The following EVI5 variants were observed in gnomAD, a reference collection of about 807,000 sequenced individuals.
The protein encoded by EVI5 is ecotropic viral integration site 5, also known as ecotropic viral integration site 5 protein homolog.
In EVI5, 73 loss-of-function variants were observed where a neutral mutation model predicts 112.0. That is an observed-to-expected ratio of 0.65 (90% CI 0.54 to 0.79). The LOEUF (loss-of-function observed/expected upper bound fraction) is 0.79, where lower values mean the gene tolerates loss of function less well. EVI5 is among the 30% of genes least tolerant of loss of function. The pLI is 0.00. For missense variants in EVI5, 900 were observed against 968.8 expected, an observed-to-expected ratio of 0.93 and a Z score of 0.94; for synonymous variants, 305 against 319.9, an observed-to-expected ratio of 0.95 and a Z score of 0.50.
intron 18 of EVI5, among the ~76,000 whole-genome samples, chr1:92,592,216 C>T (rs1180654461): frequency 3.3e-5 from 5 of 152,128 alleles, no homozygotes; most frequent in Non-Finnish European, 5.9e-5. Context: ...GCACTCCGGC[C>T]TAGGTGACAG....
intron 13 of EVI5, 79 bp from the exon 14 acceptor site, chr1:92,636,415 T>C (rs1658844574): frequency 8.3e-7 from 1 of 1,202,110 alleles, no homozygotes; most frequent in East Asian, 2.4e-5. Flanking sequence ...AACCACATAA[T>C]ACAGTTATAT....
chr1:92,558,062 T>C (rs1286515458), intron 19 of EVI5, among the ~76,000 whole-genome samples: 1 of 152,200 alleles, frequency 6.6e-6, no homozygotes, highest in African/African-American at 2.4e-5. Context: ...AATAAGTTTA[T>C]TCTTCAAAAG....
chr1:92,592,747 G>A (rs1048555484), intron 18 of EVI5, among the ~76,000 whole-genome samples: 5 of 152,094 alleles, frequency 3.3e-5, no homozygotes, highest in African/African-American at 4.8e-5. Flanking sequence ...TATCACCACC[G>A]ATCCCACATA....
chr1:92,734,697 CT>C (rs67888425), intron 2 of EVI5, among the ~76,000 whole-genome samples: 92,702 of 152,010 alleles, frequency 0.61, 29,153 homozygotes, highest in East Asian at 0.92. Flanking sequence ...AAAACTTCTG[CT>C]TTTTGAAAGA....
intron 18 of EVI5, among the ~76,000 whole-genome samples, chr1:92,577,512 A>G (rs184782331): frequency 2.0e-5 from 3 of 152,354 alleles, no homozygotes; most frequent in East Asian, 1.9e-4. Flanking sequence ...TGAATGCTTC[A>G]TAAGTTTTCA....
intron 5 of EVI5, among the ~76,000 whole-genome samples, chr1:92,699,312 A>G (rs1670774560): frequency 6.6e-6 from 1 of 152,174 alleles, no homozygotes; most frequent in Admixed American, 6.5e-5. Context: ...CTGTTCTCCT[A>G]ATCTGACCCC....
At chr1:92,668,890 A>G (rs1665380551) in intron 10 of EVI5, among the ~76,000 whole-genome samples, 1 of 152,162 alleles carries the variant, frequency 6.6e-6, no homozygotes, top group Non-Finnish European at 1.5e-5. Context: ...CTGTTCTTAC[A>G]TTTGTTTATT....
chr1:92,666,038 A>C (rs767398649), intron 10 of EVI5, 46 bp from the exon 11 acceptor site: 1 of 1,263,486 alleles, frequency 7.9e-7, no homozygotes, highest in Admixed American at 2.1e-5. Context: ...TTTGAGAGGA[A>C]AAAAAAGATT....
At chr1:92,624,366 ACT>A in intron 15 of EVI5, 32 bp from the exon 16 acceptor site, 1 of 1,584,740 alleles carries the variant, frequency 6.3e-7, no homozygotes, top group Non-Finnish European at 8.6e-7. Context: ...TGCAACAAAT[ACT>A]CTCAGTATCA....
intron 18 of EVI5, among the ~76,000 whole-genome samples, chr1:92,574,468 A>G (rs1478107196): frequency 6.6e-6 from 1 of 152,154 alleles, no homozygotes; most frequent in African/African-American, 2.4e-5. Context: ...GGTTTTCTCT[A>G]CAGTTCTAAG....
chr1:92,535,198 AT>A (rs1162896648), intron 19 of EVI5, among the ~76,000 whole-genome samples: 1 of 152,244 alleles, frequency 6.6e-6, no homozygotes, highest in African/African-American at 2.4e-5. Flanking sequence ...AGAAATGCAA[AT>A]CAAAACCACA....
intron 19 of EVI5, among the ~76,000 whole-genome samples, chr1:92,519,304 G>C (rs954629886): frequency 1.1e-4 from 16 of 152,128 alleles, no homozygotes; most frequent in African/African-American, 3.9e-4. Flanking sequence ...GAGACCTAGA[G>C]GCATCCAGCC....
At chr1:92,528,201 G>C (rs761328228) in intron 19 of EVI5, among the ~76,000 whole-genome samples, 7 of 152,192 alleles carry the variant, frequency 4.6e-5, no homozygotes, top group African/African-American at 1.7e-4. Context: ...AATCACGTTA[G>C]TGAAGATACG....
chr1:92,737,659 A>T (rs1677667366), intron 1 of EVI5, among the ~76,000 whole-genome samples: 1 of 151,852 alleles, frequency 6.6e-6, no homozygotes, highest in Non-Finnish European at 1.5e-5. Context: ...AGTAGGTACC[A>T]CTCTCCTCAT....
At chr1:92,630,648 G>A (rs1347280312) in intron 14 of EVI5, among the ~76,000 whole-genome samples, 1 of 151,966 alleles carries the variant, frequency 6.6e-6, no homozygotes, top group Non-Finnish European at 1.5e-5. Flanking sequence ...AGTTTCTTTT[G>A]CTGTGCAGAA....
At position 92,714,573 on chromosome 1, in the gene EVI5, G is replaced by C. The variant is rs555090773; in HGVS notation, c.150-9829C>G. Among the ~76,000 whole-genome samples the C allele has an allele frequency of 4.6e-4, 70 of 152,260 alleles. 1 individual carries two copies. The highest frequency in any genetic ancestry group is 1.4e-3 in the African/African-American group (60 of 41,548). On this transcript the variant is annotated intron_variant, in intron 2 of 19. Coordinates refer to ENST00000684568, the MANE Select transcript of EVI5 (RefSeq NM_001350197.2). ...AGGAAGAAGAGCACTAAAGCTTAGTGTTTGTCATTTTACTTTACTTAATCT... is the reference window on the plus strand; with the variant it reads ...AGGAAGAAGAGCACTAAAGCTTAGTCTTTGTCATTTTACTTTACTTAATCT...
chr1:92,525,106 G>A (rs962941708), intron 19 of EVI5, among the ~76,000 whole-genome samples: 30 of 152,060 alleles, frequency 2.0e-4, no homozygotes, highest in African/African-American at 7.0e-4. Context: ...GGGATTACAC[G>A]CAGGAATCAC....
intron 2 of EVI5, among the ~76,000 whole-genome samples, chr1:92,735,769 TTA>T (rs1300179038): frequency 2.8e-5 from 4 of 144,122 alleles, no homozygotes; most frequent in Admixed American, 7.1e-5. Flanking sequence ...ATGATATATG[TTA>T]TATATAACAT....
intron 2 of EVI5, among the ~76,000 whole-genome samples, chr1:92,732,898 CAAAA>C (rs3042602): frequency 2.2e-4 from 20 of 89,078 alleles, no homozygotes; most frequent in East Asian, 6.7e-4. Flanking sequence ...GACTCCATCT[CAAAA>C]AAAAAAAAAA....
Sources: gnomAD v4.1 joint callset for allele counts (sites outside exome capture counted in the v4.1 genomes callset) on GRCh38, gnomAD v4.1.1 for gene constraint, MANE v1.5 for transcripts, NCBI Gene and HGNC (gene_info 2026-07-23, HGNC 2026-07-21) for gene names.